MARK3: variants seen among roughly 807,000 people sequenced by gnomAD.
The protein encoded by MARK3 is microtubule affinity regulating kinase 3.
Under a neutral mutation model 90.1 loss-of-function variants are expected in MARK3, and 46 were observed. The ratio of observed to expected loss-of-function variants is 0.51; its 90% CI spans 0.40 to 0.65. The LOEUF is 0.65. Among genes scored for constraint, MARK3 ranks in the 30% least tolerant of loss-of-function variants. The probability of loss-of-function intolerance (pLI) is 0.00; values close to 1 mark genes in which losing one functional copy is unlikely to be tolerated. For synonymous variants in MARK3, 321 were observed against 332.6 expected, an observed-to-expected ratio of 0.97 and a Z score of 0.38; for missense variants, 818 against 947.2, an observed-to-expected ratio of 0.86 and a Z score of 1.79.
At position 103,412,724 on chromosome 14, in the gene MARK3, G is replaced by A. The variant is rs1396176917; in HGVS notation, c.243+7457G>A. On this transcript the variant is annotated intron_variant, in intron 2 of 17. Transcript: ENST00000429436. ...GTTCCCGTGCAGGACTTCCTGCACC[G>A]CCTCATCCAGGGTGTCGTGAGAGAC... 8.2e-5 allele frequency: 47 copies of A among 574,898 alleles called. 2 individuals are homozygous for A. Among genetic ancestry groups the A allele is most frequent in the Admixed American group, 5.7e-4 (26 of 45,218 alleles). 35.6% of individuals were successfully genotyped at this position (574,898 alleles called of 1,614,324 possible).
chr14:103,403,572 T>A (rs545737224), intron 1 of MARK3, among the ~76,000 whole-genome samples: 89 of 152,298 alleles, frequency 5.8e-4, no homozygotes, highest in Non-Finnish European at 1.1e-3. Context: ...GTTACTGTTT[T>A]CATGAAACTT....
chr14:103,487,222 TTAA>T (rs2093946548), intron 14 of MARK3, among the ~76,000 whole-genome samples: 1 of 150,884 alleles, frequency 6.6e-6, no homozygotes, highest in Non-Finnish European at 1.5e-5. Context: ...CAGCCTCAAG[TTAA>T]TAATTTATAA....
At chr14:103,408,414 C>T (rs1286483825) in intron 2 of MARK3, among the ~76,000 whole-genome samples, 1 of 152,168 alleles carries the variant, frequency 6.6e-6, no homozygotes, top group Non-Finnish European at 1.5e-5. Context: ...GTCTCGAACT[C>T]CTGATGTCAG....
intron 12 of MARK3, among the ~76,000 whole-genome samples, chr14:103,472,691 A>G (rs1298953991): frequency 1.3e-5 from 2 of 148,908 alleles, no homozygotes; most frequent in Non-Finnish European, 3.0e-5. Flanking sequence ...TGACACATCC[A>G]TACCATGGAC....
intron 5 of MARK3, among the ~76,000 whole-genome samples, chr14:103,456,860 T>C (rs2093288894): frequency 6.6e-6 from 1 of 152,256 alleles, no homozygotes. Flanking sequence ...TTTTAATTGC[T>C]TAGTTTTTAT....
intron 3 of MARK3, among the ~76,000 whole-genome samples, chr14:103,444,407 A>G (rs1046709065): frequency 3.3e-5 from 5 of 152,198 alleles, no homozygotes; most frequent in African/African-American, 1.2e-4. Context: ...ATACGTTTCC[A>G]TGTAATTTGA....
chr14:103,454,110 C>G (rs1277774818), intron 5 of MARK3, among the ~76,000 whole-genome samples: 1 of 152,178 alleles, frequency 6.6e-6, no homozygotes, highest in African/African-American at 2.4e-5. Context: ...CCTCATTGGC[C>G]ATGTGACCTG....
At chr14:103,415,509 A>C (rs2091907095) in intron 2 of MARK3, among the ~76,000 whole-genome samples, 1 of 152,208 alleles carries the variant, frequency 6.6e-6, no homozygotes, top group South Asian at 2.1e-4. Context: ...CATATTTACT[A>C]TGAATCTGGG....
intron 14 of MARK3, among the ~76,000 whole-genome samples, chr14:103,481,019 A>G (rs1280331689): frequency 6.6e-6 from 1 of 152,364 alleles, no homozygotes; most frequent in Admixed American, 6.5e-5. Flanking sequence ...ATTTGGCTAC[A>G]TAGCAAGCAT....
rs527409093 is a variant in MARK3 at position 103,479,785 on chromosome 14, C to A, written c.1483-602C>A. 2.6e-4 allele frequency among the ~76,000 whole-genome samples: 39 copies of A among 152,070 alleles called. 1 individual carries two copies. The highest frequency in any genetic ancestry group is 9.4e-4 in the African/African-American group (39 of 41,496). On this transcript the variant is annotated intron_variant, in intron 13 of 17. Transcript: ENST00000429436. ...CCTCCTGAGTAGCTGGGATTACAGG[C>A]ATGCACCACCACAGCCAGCTAATTT...
intron 17 of MARK3, among the ~76,000 whole-genome samples, chr14:103,502,402 G>A (rs1177644836): frequency 6.6e-6 from 1 of 152,236 alleles, no homozygotes; most frequent in Non-Finnish European, 1.5e-5. Flanking sequence ...AGCAATTTTA[G>A]ACTGCGGATG....
At chr14:103,486,029 G>T (rs865898069) in intron 14 of MARK3, among the ~76,000 whole-genome samples, 1 of 152,030 alleles carries the variant, frequency 6.6e-6, no homozygotes, top group Non-Finnish European at 1.5e-5. Context: ...GATGGCTCAC[G>T]CCACCATGTA....
chr14:103,443,742 A>T, intron 3 of MARK3, among the ~76,000 whole-genome samples: 1 of 152,152 alleles, frequency 6.6e-6, no homozygotes, highest in East Asian at 1.9e-4. Context: ...TTCCAGAGAT[A>T]CTCTGTATAT....
At chr14:103,409,691 C>A (rs1258515997) in intron 2 of MARK3, among the ~76,000 whole-genome samples, 1 of 151,990 alleles carries the variant, frequency 6.6e-6, no homozygotes, top group African/African-American at 2.4e-5. Flanking sequence ...CAGAAAGGGA[C>A]TCATGGAACA....
intron 2 of MARK3, among the ~76,000 whole-genome samples, chr14:103,425,573 A>G (rs2092377575): frequency 6.6e-6 from 1 of 152,190 alleles, no homozygotes; most frequent in African/African-American, 2.4e-5. Context: ...GTATTTATTG[A>G]GTACTCCTTA....
Position 103,492,180 on chromosome 14 carries a change from T to C in MARK3, c.1844+146T>C, listed in dbSNP as rs2094028390. On this transcript the variant is annotated intron_variant, in intron 15 of 17. Coordinates refer to ENST00000429436, the MANE Select transcript of MARK3 (RefSeq NM_001128918.3). The stretch of plus-strand genomic sequence containing the variant: ...TTCTGGTTTTATATATATCTAACTT[T>C]ATACTTTAAAACCTTTAAAGTAGAA... 5.7e-6 allele frequency: 5 copies of C among 882,584 alleles called. No individual in the cohort carries two copies. The South Asian group carries it at 9.2e-5, about 16-fold the overall frequency. 54.7% of individuals were successfully genotyped at this position (882,584 alleles called of 1,614,324 possible).
intron 8 of MARK3, 62 bp from the exon 9 acceptor site, chr14:103,465,910 G>A: frequency 6.3e-7 from 1 of 1,581,054 alleles, no homozygotes; most frequent in Non-Finnish European, 8.6e-7. Flanking sequence ...TTTTTGTTGT[G>A]TTTTGTTAAC....
At chr14:103,405,297 T>G in intron 2 of MARK3, 30 bp downstream of exon 2, 1 of 1,436,602 alleles carries the variant, frequency 7.0e-7, no homozygotes, top group Admixed American at 2.4e-5. Context: ...ATTTCTGTTA[T>G]GACAGTTGCT....
At chr14:103,388,707 C>T (rs1184278574) in intron 1 of MARK3, among the ~76,000 whole-genome samples, 1 of 152,194 alleles carries the variant, frequency 6.6e-6, no homozygotes, top group African/African-American at 2.4e-5. Context: ...TGGGTAACCA[C>T]TGATCTGCTT....
Sources: allele counts gnomAD v4.1 joint callset (sites outside exome capture counted in the v4.1 genomes callset), GRCh38; gene constraint gnomAD v4.1.1; transcripts MANE v1.5; gene names NCBI Gene and HGNC (gene_info 2026-07-23, HGNC 2026-07-21).